JAM3: variants seen among roughly 807,000 people sequenced by gnomAD.
JAM3 encodes the protein junctional adhesion molecule C.
JAM3 carries 31 observed loss-of-function variants against 39.4 expected under a neutral mutation model. That is an observed-to-expected ratio of 0.79 (90% CI 0.59 to 1.06). JAM3 has a LOEUF of 1.06. Ranked by LOEUF, JAM3 falls within the 50% of genes least tolerant of loss-of-function variation. JAM3 has a pLI of 0.00. For synonymous variants in JAM3, 182 were observed against 148.7 expected (o/e 1.22, Z -1.63); for missense variants, 455 against 391.4 (o/e 1.16, Z -1.37).
intron 1 of JAM3, among the ~76,000 whole-genome samples, chr11:134,086,732 C>T (rs1304304585): frequency 6.6e-6 from 1 of 152,110 alleles, no homozygotes; most frequent in Non-Finnish European, 1.5e-5. Flanking sequence ...ATAGATAGGG[C>T]TCCATGTTCC....
At chr11:134,101,642 A>G (rs1039210339) in intron 1 of JAM3, among the ~76,000 whole-genome samples, 1 of 152,220 alleles carries the variant, frequency 6.6e-6, no homozygotes, top group Non-Finnish European at 1.5e-5. Flanking sequence ...TTCTTTTGGT[A>G]TAATACTCTA....
chr11:134,139,643 C>T, intron 1 of JAM3: 1 of 592,950 alleles, frequency 1.7e-6, no homozygotes, highest in Non-Finnish European at 3.0e-6. Flanking sequence ...GAACTCTTCT[C>T]TTTCCCTTGG....
At chr11:134,097,923 G>C (rs1783416856) in intron 1 of JAM3, among the ~76,000 whole-genome samples, 1 of 151,736 alleles carries the variant, frequency 6.6e-6, no homozygotes, top group Non-Finnish European at 1.5e-5. Context: ...TGACATTAAG[G>C]ACTCTGGCCC....
intron 3 of JAM3, among the ~76,000 whole-genome samples, chr11:134,143,846 G>T (rs946297378): frequency 4.6e-5 from 7 of 152,288 alleles, no homozygotes; most frequent in African/African-American, 1.7e-4. Flanking sequence ...GTGAGAGAGA[G>T]GTTCAACTTC....
chr11:134,123,927 C>T (rs1942587980), intron 1 of JAM3: 1 of 1,323,346 alleles, frequency 7.6e-7, no homozygotes, highest in Admixed American at 1.7e-5. Context: ...GGCCCCCCTT[C>T]TTTTTTGTGT....
At chr11:134,085,397 G>A (rs1941731742) in intron 1 of JAM3, among the ~76,000 whole-genome samples, 1 of 152,174 alleles carries the variant, frequency 6.6e-6, no homozygotes, top group African/African-American at 2.4e-5. Context: ...ATGATGAGGT[G>A]ATCAAAGATC....
chr11:134,149,113 C>T lies in JAM3; in HGVS notation c.898-33C>T, dbSNP rs749714858. 3 of 1,613,754 alleles carry T rather than the reference C, an allele frequency of 1.9e-6. No individual in the cohort carries two copies. In the African/African-American group the frequency reaches 4.0e-5, roughly 22 times the overall value. Reference sequence around the variant, plus strand: ...TTTTTCCCTGCTTGCCACCAGGCCCCTTGATGGCTCTAACTGTGTGTTGGC... The same window carrying T: ...TTTTTCCCTGCTTGCCACCAGGCCCTTTGATGGCTCTAACTGTGTGTTGGC... On this transcript the variant is annotated intron_variant, in intron 8 of 8. Coordinates refer to ENST00000299106, the MANE Select transcript of JAM3 (RefSeq NM_032801.5).
chr11:134,145,821 C>T, intron 5 of JAM3, 125 bp from the exon 6 acceptor site: 1 of 749,134 alleles, frequency 1.3e-6, no homozygotes, highest in Non-Finnish European at 2.4e-6. Flanking sequence ...GAGGAACATG[C>T]ACAGTGCTGG....
chr11:134,148,743 ACTG>A lies in JAM3; in HGVS notation c.843-18_843-16del. On this transcript the variant is annotated intron_variant, in intron 7 of 8. Coordinates refer to ENST00000299106, the MANE Select transcript of JAM3 (RefSeq NM_032801.5). ...AATAATATAACAACCCTGTTGCTAAACTGCTCTCTTCTCCTCATAGTTACAAGA... is the reference window on the plus strand; with the variant it reads ...AATAATATAACAACCCTGTTGCTAAACTCTCTTCTCCTCATAGTTACAAGA... 1 of 1,614,154 alleles carries A rather than the reference ACTG, an allele frequency of 6.2e-7. No homozygotes were observed.
At chr11:134,106,478 A>G (rs1185428674) in intron 1 of JAM3, among the ~76,000 whole-genome samples, 1 of 152,232 alleles carries the variant, frequency 6.6e-6, no homozygotes, top group African/African-American at 2.4e-5. Context: ...AATGGCAACA[A>G]AAGCCAAATT....
chr11:134,129,088 C>T (rs993957379), intron 1 of JAM3, among the ~76,000 whole-genome samples: 6 of 151,674 alleles, frequency 4.0e-5, no homozygotes, highest in African/African-American at 7.3e-5. Flanking sequence ...TATCTTTCCC[C>T]TGTGCAGGCA....
At chr11:134,114,320 T>TA in intron 1 of JAM3, among the ~76,000 whole-genome samples, 1 of 152,374 alleles carries the variant, frequency 6.6e-6, no homozygotes. Flanking sequence ...GTTTTAGGTC[T>TA]AACATTTAAG....
In JAM3 at chr11:134,150,260, C is replaced by A. The variant is rs1259910118; in HGVS notation, c.*1079C>A. The A allele has an allele frequency of 6.6e-6, 1 of 152,364 alleles. No individual in the cohort carries two copies. Among genetic ancestry groups the A allele is most frequent in the African/African-American group, 2.4e-5 (1 of 41,468 alleles). The allele number at this position is 152,364 out of a possible 1,614,324, so 9.4% of individuals were successfully genotyped here. A position where few individuals can be genotyped will look rare whatever the true frequency, so the allele number is the denominator to read the frequency against. ...GTTAAGCAATGTTGAAATCAGTTTGCATCTCTTCAAAAGAAACCTCTCAGG... is the reference window on the plus strand; with the variant it reads ...GTTAAGCAATGTTGAAATCAGTTTGAATCTCTTCAAAAGAAACCTCTCAGG... On this transcript the variant is annotated 3_prime_UTR_variant, in exon 9 of 9. Coordinates refer to ENST00000299106, the MANE Select transcript of JAM3 (RefSeq NM_032801.5).
chr11:134,091,355 T>C (rs626322), intron 1 of JAM3, among the ~76,000 whole-genome samples: 67,313 of 151,806 alleles, frequency 0.44, 17,621 homozygotes, highest in African/African-American at 0.74. Flanking sequence ...ATTAGCCAGG[T>C]GTGGTGGCAC....
chr11:134,144,237 G>A lies in JAM3; in HGVS notation c.257-4G>A, dbSNP rs776039938. Reference sequence around the variant, plus strand: ...TTTTTTAGTGCCTCGTGTCTTTTCTGTAGGAGACTTGGCGGGTCGTGCAGA... The same window carrying A: ...TTTTTTAGTGCCTCGTGTCTTTTCTATAGGAGACTTGGCGGGTCGTGCAGA... On this transcript the variant is annotated splice_polypyrimidine_tract_variant and splice_region_variant and intron_variant, in intron 3 of 8. Coordinates refer to ENST00000299106, the MANE Select transcript of JAM3 (RefSeq NM_032801.5). The A allele has an allele frequency of 1.2e-6, 2 of 1,614,042 alleles. No individual in the cohort carries two copies. Among genetic ancestry groups the A allele is most frequent in the African/African-American group, 1.3e-5 (1 of 74,932 alleles).
intron 1 of JAM3, among the ~76,000 whole-genome samples, chr11:134,094,774 T>G (rs1384591777): frequency 1.3e-5 from 2 of 152,220 alleles, no homozygotes; most frequent in African/African-American, 4.8e-5. Context: ...ATATGTAGAA[T>G]TAGAATGTTG....
chr11:134,127,824 A>G (rs1483847818), intron 1 of JAM3, among the ~76,000 whole-genome samples: 1 of 152,252 alleles, frequency 6.6e-6, no homozygotes, highest in South Asian at 2.1e-4. Context: ...TAAGAAAGGC[A>G]TAGAAGAGAG....
intron 1 of JAM3, among the ~76,000 whole-genome samples, chr11:134,116,164 G>T (rs1231464279): frequency 6.6e-6 from 1 of 152,150 alleles, no homozygotes; most frequent in Non-Finnish European, 1.5e-5. Context: ...CAGATAATTT[G>T]TGGATGTATG....
At chr11:134,131,674 G>A (rs563192322) in intron 1 of JAM3, among the ~76,000 whole-genome samples, 2 of 152,146 alleles carry the variant, frequency 1.3e-5, no homozygotes, top group Admixed American at 6.5e-5. Context: ...CACCTAAGGG[G>A]AGAACATGGA....
Sources: allele counts gnomAD v4.1 joint callset (sites outside exome capture counted in the v4.1 genomes callset), GRCh38; gene constraint gnomAD v4.1.1; transcripts MANE v1.5; gene names NCBI Gene and HGNC (gene_info 2026-07-23, HGNC 2026-07-21).